The following AGMO variants were observed in gnomAD, a reference collection of about 807,000 sequenced individuals.
AGMO encodes glyceryl-ether monooxygenase.
AGMO carries 75 observed loss-of-function variants against 60.2 expected under a neutral mutation model. The observed-to-expected ratio is 1.25, with a 90% CI of 1.03 to 1.51. The LOEUF (loss-of-function observed/expected upper bound fraction) is 1.51, where lower values mean the gene tolerates loss of function less well. Among genes scored for constraint, AGMO ranks in the 40% most tolerant of loss-of-function variants. The pLI is 0.00. For missense variants in AGMO, 763 were observed against 525.5 expected (o/e 1.45, Z -4.42); for synonymous variants, 261 against 177.1 (o/e 1.47, Z -3.76).
chr7:15,247,413 TTC>T (rs1782771423), intron 12 of AGMO, among the ~76,000 whole-genome samples: 1 of 90,450 alleles, frequency 1.1e-5, no homozygotes, highest in African/African-American at 4.3e-5. Flanking sequence ...ACTTGGAGAT[TTC>T]ACACACACAC....
intron 12 of AGMO, among the ~76,000 whole-genome samples, chr7:15,280,930 G>C (rs1028416660): frequency 6.6e-6 from 1 of 152,158 alleles, no homozygotes; most frequent in Non-Finnish European, 1.5e-5. Flanking sequence ...GTTGGGATAC[G>C]TGAGGATAGG....
At chr7:15,528,244 A>G (rs552093323) in intron 3 of AGMO, among the ~76,000 whole-genome samples, 2 of 152,276 alleles carry the variant, frequency 1.3e-5, no homozygotes, top group South Asian at 4.1e-4. Context: ...TATTGTTTTT[A>G]TAGATATAAT....
the AGMO span, among the ~76,000 whole-genome samples, chr7:15,127,864 T>A: frequency 6.6e-6 from 1 of 152,144 alleles, no homozygotes; most frequent in Admixed American, 6.6e-5. Flanking sequence ...TAGCTTTTTT[T>A]AGAATCCATC....
chr7:15,420,715 T>C (rs1330456161), intron 4 of AGMO, among the ~76,000 whole-genome samples: 1 of 152,142 alleles, frequency 6.6e-6, no homozygotes, highest in African/African-American at 2.4e-5. Context: ...TATAAATCTT[T>C]ATATGGTACT....
intron 12 of AGMO, among the ~76,000 whole-genome samples, chr7:15,283,898 G>C: frequency 6.6e-6 from 1 of 151,900 alleles, no homozygotes; most frequent in Non-Finnish European, 1.5e-5. Flanking sequence ...GACCACAGTG[G>C]AATAAAACTA....
At chr7:15,442,112 T>C (rs1040710186) in intron 3 of AGMO, among the ~76,000 whole-genome samples, 6 of 152,202 alleles carry the variant, frequency 3.9e-5, no homozygotes, top group Non-Finnish European at 2.9e-5. Context: ...CCAGATTGAA[T>C]CAGAACTGAA....
chr7:15,387,185 G>A (rs541433832), intron 9 of AGMO, among the ~76,000 whole-genome samples: 7 of 152,302 alleles, frequency 4.6e-5, no homozygotes, highest in South Asian at 2.1e-4. Flanking sequence ...CACAATCTGT[G>A]CTCCTAGGTA....
At chr7:15,451,726 T>C (rs573633380) in intron 3 of AGMO, among the ~76,000 whole-genome samples, 19 of 152,154 alleles carry the variant, frequency 1.2e-4, no homozygotes, top group African/African-American at 4.6e-4. Context: ...GGAGTTTAAT[T>C]GAGTTATGAA....
At chr7:15,307,942 A>G (rs2128529938) in intron 12 of AGMO, among the ~76,000 whole-genome samples, 1 of 152,138 alleles carries the variant, frequency 6.6e-6, no homozygotes, top group East Asian at 1.9e-4. Context: ...TCTCTTGTCA[A>G]TCCTATTAGT....
chr7:15,335,082 C>A (rs1781614568), intron 12 of AGMO, among the ~76,000 whole-genome samples: 1 of 152,118 alleles, frequency 6.6e-6, no homozygotes, highest in Non-Finnish European at 1.5e-5. Flanking sequence ...AAGCCGTATT[C>A]ATCTCTAATT....
intron 12 of AGMO, among the ~76,000 whole-genome samples, chr7:15,324,353 G>A (rs1451860375): frequency 1.3e-5 from 2 of 152,130 alleles, no homozygotes; most frequent in South Asian, 2.1e-4. Flanking sequence ...AGATCCCAAG[G>A]TCAGCTCTCC....
intron 12 of AGMO, among the ~76,000 whole-genome samples, chr7:15,234,205 G>A (rs1434962255): frequency 6.6e-6 from 1 of 152,134 alleles, no homozygotes; most frequent in Admixed American, 6.5e-5. Flanking sequence ...ATGTTTGTCA[G>A]ATAAATAATA....
intron 12 of AGMO, among the ~76,000 whole-genome samples, chr7:15,345,883 A>AT (rs147407572): frequency 0.083 from 12,528 of 151,622 alleles, 651 homozygotes; most frequent in Non-Finnish European, 0.1. Context: ...TTGGTACTTA[A>AT]TTTTTTTTTG....
In AGMO at chr7:15,346,894, A is replaced by C. The variant is rs796605778; in HGVS notation, c.1263+18620T>G. On this transcript the variant is annotated intron_variant, in intron 12 of 12. Transcript: ENST00000342526. ...GTATATCTAAATTTATATTTTATGTATATTTATTTCTCATTCATTCATGGA... is the reference window on the plus strand; with the variant it reads ...GTATATCTAAATTTATATTTTATGTCTATTTATTTCTCATTCATTCATGGA... Among the ~76,000 whole-genome samples the C allele has an allele frequency of 2.1e-4, 32 of 151,998 alleles. 1 individual carries two copies. Among genetic ancestry groups the C allele is most frequent in the African/African-American group, 7.7e-4 (32 of 41,544 alleles).
At chr7:15,340,828 C>A (rs1781821255) in intron 12 of AGMO, among the ~76,000 whole-genome samples, 1 of 150,584 alleles carries the variant, frequency 6.6e-6, no homozygotes, top group South Asian at 2.1e-4. Context: ...TTGGTGCCCC[C>A]ACACAGAGTC....
chr7:15,376,638 GTT>G (rs546265221), intron 10 of AGMO, among the ~76,000 whole-genome samples: 1 of 151,948 alleles, frequency 6.6e-6, no homozygotes, highest in African/African-American at 2.4e-5. Context: ...TATTCAAACT[GTT>G]TTTTGTGTGT....
chr7:15,136,693 T>G, the AGMO span, among the ~76,000 whole-genome samples: 1 of 152,150 alleles, frequency 6.6e-6, no homozygotes, highest in Admixed American at 6.6e-5. Context: ...TTTTTTTTGC[T>G]GTATACGGCA....
At chr7:15,518,756 TCTC>T (rs1426406613) in intron 3 of AGMO, among the ~76,000 whole-genome samples, 1 of 151,824 alleles carries the variant, frequency 6.6e-6, no homozygotes, top group East Asian at 2.0e-4. Context: ...GAATGCCTCT[TCTC>T]CTCCAAAGTA....
Position 15,365,602 on chromosome 7 carries a change from A to G in AGMO, c.1175T>C (p.Met392Thr), listed in dbSNP as rs561269649. 1.7e-5 allele frequency: 28 copies of G among 1,612,538 alleles called. No homozygotes were observed. Among genetic ancestry groups the G allele is most frequent in the African/African-American group, 2.7e-5 (2 of 74,968 alleles). ...GAACATCAAGCAACGGAGAGTTTCC[A>G]TAATAGCTGCCTTGGGTCTGAAATA... ...LLDQRPKAAI[M>T]ETLRCLMFLM... The change falls in exon 12 of 13, where the codon ATG (methionine) becomes ACG (threonine). Residue 392 changes from methionine to threonine, a missense_variant. By Grantham distance (81) the Met-to-Thr change is moderately conservative (BLOSUM62 -1). Coordinates refer to ENST00000342526, the MANE Select transcript of AGMO (RefSeq NM_001004320.2).
Sources: allele counts gnomAD v4.1 joint callset (sites outside exome capture counted in the v4.1 genomes callset), GRCh38; gene constraint gnomAD v4.1.1; transcripts MANE v1.5; gene names NCBI Gene and HGNC (gene_info 2026-07-23, HGNC 2026-07-21).